The following TXNDC16 variants were observed in gnomAD, a reference collection of about 807,000 sequenced individuals.
TXNDC16 encodes the protein thioredoxin domain containing 16.
In TXNDC16, 74 loss-of-function variants were observed where a neutral mutation model predicts 85.6. The observed-to-expected ratio is 0.86, with a 90% CI of 0.72 to 1.05. The LOEUF is 1.05. Among genes scored for constraint, TXNDC16 ranks in the 50% least tolerant of loss-of-function variants. The pLI, the probability that TXNDC16 is intolerant of heterozygous loss-of-function variation, is 0.00. For missense variants in TXNDC16, 959 were observed against 947.0 expected, an observed-to-expected ratio of 1.01 and a Z score of -0.17; for synonymous variants, 335 against 326.5, an observed-to-expected ratio of 1.03 and a Z score of -0.28.
At chr14:52,504,293 G>A (rs886091697) in intron 9 of TXNDC16, among the ~76,000 whole-genome samples, 1 of 152,138 alleles carries the variant, frequency 6.6e-6, no homozygotes, top group African/African-American at 2.4e-5. Flanking sequence ...TTGAAATGAA[G>A]GAAAAAATGT....
intron 19 of TXNDC16, 106 bp from the exon 20 acceptor site, chr14:52,439,500 G>T: frequency 1.0e-6 from 1 of 985,994 alleles, no homozygotes; most frequent in South Asian, 1.9e-5. Context: ...ATGCCAGTAA[G>T]TTCACTTTAT....
intron 1 of TXNDC16, among the ~76,000 whole-genome samples, chr14:52,551,429 G>T (rs936749538): frequency 6.8e-6 from 1 of 147,658 alleles, no homozygotes; most frequent in African/African-American, 2.5e-5. Flanking sequence ...GTAGTGAACT[G>T]TCACTACAGC....
chr14:52,505,891 AT>A (rs2036786589), intron 9 of TXNDC16, among the ~76,000 whole-genome samples: 1 of 152,230 alleles, frequency 6.6e-6, no homozygotes, highest in Non-Finnish European at 1.5e-5. Flanking sequence ...TAAAGGGGAT[AT>A]CACCACCGAT....
chr14:52,524,922 A>C (rs962638233), intron 6 of TXNDC16, among the ~76,000 whole-genome samples: 1 of 151,678 alleles, frequency 6.6e-6, no homozygotes. Context: ...GGAGTTTGAG[A>C]CCAGCCTGGC....
chr14:52,538,219 C>G (rs988153377), intron 4 of TXNDC16, among the ~76,000 whole-genome samples: 3 of 152,166 alleles, frequency 2.0e-5, no homozygotes, highest in African/African-American at 7.2e-5. Flanking sequence ...GATACTTTTG[C>G]TCTTTTCACT....
chr14:52,440,492 G>A (rs1253029761), intron 19 of TXNDC16, 72 bp downstream of exon 19: 14 of 1,288,540 alleles, frequency 1.1e-5, no homozygotes, highest in African/African-American at 6.2e-5. Context: ...AGAGAGTTTC[G>A]TTTCCTAATG....
Position 52,543,620 on chromosome 14 carries a change from T to C in TXNDC16, c.-63A>G. On this transcript the variant is annotated 5_prime_UTR_variant, in exon 3 of 21. The change abolishes the stop of an existing upstream ORF in the 5' untranslated region. Coordinates refer to ENST00000281741, the MANE Select transcript of TXNDC16 (RefSeq NM_020784.3). ...TTTTTCACTGCTGTGTTCTGTTTCC[T>C]AAGACAACACCTGGCACAGAGAAGG... 3 of 1,567,356 alleles carry C rather than the reference T, an allele frequency of 1.9e-6. No homozygotes were observed. The highest frequency in any genetic ancestry group is 2.6e-6 in the Non-Finnish European group (3 of 1,153,184).
At chr14:52,502,012 C>A (rs1566563769) in intron 9 of TXNDC16, among the ~76,000 whole-genome samples, 1 of 152,168 alleles carries the variant, frequency 6.6e-6, no homozygotes, top group Non-Finnish European at 1.5e-5. Flanking sequence ...CATTCATTTT[C>A]TCTGTTCTGG....
At chr14:52,498,467 AT>A (rs986713324) in intron 9 of TXNDC16, among the ~76,000 whole-genome samples, 6 of 151,984 alleles carry the variant, frequency 3.9e-5, no homozygotes, top group Admixed American at 1.3e-4. Flanking sequence ...CATAAGAACC[AT>A]TTTGCAGGAT....
intron 1 of TXNDC16, among the ~76,000 whole-genome samples, chr14:52,546,074 C>T (rs772631434): frequency 4.0e-5 from 6 of 151,788 alleles, no homozygotes; most frequent in Non-Finnish European, 8.8e-5. Context: ...TCACTTGAGC[C>T]TAGGAGTTCA....
At chr14:52,497,409 A>G (rs967531061) in intron 9 of TXNDC16, among the ~76,000 whole-genome samples, 2 of 152,224 alleles carry the variant, frequency 1.3e-5, no homozygotes, top group Admixed American at 6.5e-5. Context: ...TAAAGAAATA[A>G]TGCCAATCCT....
chr14:52,495,450 A>C (rs2036509056), intron 9 of TXNDC16, among the ~76,000 whole-genome samples: 4 of 152,246 alleles, frequency 2.6e-5, no homozygotes, highest in Admixed American at 2.6e-4. Flanking sequence ...GTCATATATC[A>C]TCACCTTAGC....
In TXNDC16 at chr14:52,474,426, A is replaced by C. The variant is rs182415663; in HGVS notation, c.1313-3746T>G. Among the ~76,000 whole-genome samples the C allele has an allele frequency of 1.2e-3, 188 of 152,338 alleles. 3 individuals are homozygous for C. The highest frequency in any genetic ancestry group is 8.8e-5 in the Non-Finnish European group (6 of 68,036). ...TTGCATAAAGGAAAATGTGAAAGCAAGTAAGAGGATCTGCTTTTTAAAAAA... is the reference window on the plus strand; with the variant it reads ...TTGCATAAAGGAAAATGTGAAAGCACGTAAGAGGATCTGCTTTTTAAAAAA... On this transcript the variant is annotated intron_variant, in intron 14 of 20. Coordinates refer to ENST00000281741, the MANE Select transcript of TXNDC16 (RefSeq NM_020784.3).
chr14:52,513,761 C>T (rs1423647286), intron 8 of TXNDC16, among the ~76,000 whole-genome samples: 1 of 151,552 alleles, frequency 6.6e-6, no homozygotes, highest in African/African-American at 2.4e-5. Flanking sequence ...TATACCTTGC[C>T]AATAAATAAC....
At chr14:52,527,171 T>C (rs967640825) in intron 6 of TXNDC16, among the ~76,000 whole-genome samples, 1 of 152,200 alleles carries the variant, frequency 6.6e-6, no homozygotes, top group Non-Finnish European at 1.5e-5. Context: ...GTTGGAGCCA[T>C]GAGAACCCCA....
At chr14:52,500,810 A>G (rs1216790388) in intron 9 of TXNDC16, among the ~76,000 whole-genome samples, 1 of 152,216 alleles carries the variant, frequency 6.6e-6, no homozygotes, top group Non-Finnish European at 1.5e-5. Context: ...CTAGATGAAC[A>G]AACAAAAAAT....
chr14:52,511,127 A>G, intron 9 of TXNDC16, 113 bp downstream of exon 9: 4 of 890,114 alleles, frequency 4.5e-6, no homozygotes, highest in Non-Finnish European at 6.3e-6. Flanking sequence ...CATCTAGTAA[A>G]ACATGCATCT....
At chr14:52,481,918 G>A (rs1402654275) in intron 14 of TXNDC16, among the ~76,000 whole-genome samples, 1 of 152,074 alleles carries the variant, frequency 6.6e-6, no homozygotes, top group Admixed American at 6.6e-5. Context: ...GGAGTAACTG[G>A]CACAGAGTAG....
In TXNDC16 at chr14:52,530,564, T is replaced by TATATTATTATATATTATTATAA. The variant is rs1566583247; in HGVS notation, c.392+6154_392+6155insTTATAATAATATATAATAATAT. ...TAATATATAATTATATAATATTATA[T>TATATTATTATATATTATTATAA]ATAATAATATATAATTATTATATAT... On this transcript the variant is annotated intron_variant, in intron 6 of 20. Coordinates refer to ENST00000281741, the MANE Select transcript of TXNDC16 (RefSeq NM_020784.3). 4.5e-4 allele frequency among the ~76,000 whole-genome samples: 11 copies of TATATTATTATATATTATTATAA among 24,312 alleles called. 2 individuals carry two copies. The highest frequency in any genetic ancestry group is 3.6e-3 in the African/African-American group (10 of 2,774). 15.9% of individuals were successfully genotyped at this position (24,312 alleles called of 152,430 possible).
Sources: gnomAD v4.1 joint callset for allele counts (sites outside exome capture counted in the v4.1 genomes callset) on GRCh38, gnomAD v4.1.1 for gene constraint, MANE v1.5 for transcripts, NCBI Gene and HGNC (gene_info 2026-07-23, HGNC 2026-07-21) for gene names.